Variants in CCSER1 observed in about 807,000 individuals in gnomAD.
CCSER1 encodes coiled-coil serine rich protein 1.
A neutral mutation model predicts 82.0 loss-of-function variants in CCSER1; 41 were observed. That is an observed-to-expected ratio of 0.50 (90% CI 0.39 to 0.65). The LOEUF (loss-of-function observed/expected upper bound fraction) is 0.65, where lower values mean the gene tolerates loss of function less well. Ranked by LOEUF, CCSER1 falls within the 30% of genes least tolerant of loss-of-function variation. The pLI is 0.00. For synonymous variants in CCSER1, 414 were observed against 383.9 expected (o/e 1.08, Z -0.92); for missense variants, 1,119 against 1,064.2 (o/e 1.05, Z -0.72).
At chr4:91,095,208 T>C (rs1000208859) in intron 10 of CCSER1, among the ~76,000 whole-genome samples, 1 of 152,196 alleles carries the variant, frequency 6.6e-6, no homozygotes. Flanking sequence ...TTCGAACAGA[T>C]TGAACAAAGT....
intron 10 of CCSER1, among the ~76,000 whole-genome samples, chr4:91,154,628 G>A (rs529109264): frequency 6.6e-6 from 1 of 152,018 alleles, no homozygotes; most frequent in Non-Finnish European, 1.5e-5. Flanking sequence ...GCTGGGAGCT[G>A]TAGACTGGAG....
At position 91,212,783 on chromosome 4, in the gene CCSER1, A is replaced by G. The variant is rs573359327; in HGVS notation, c.2217+126789A>G. Reference sequence around the variant, plus strand: ...CAGGAGGTACATGTGCAGGTTTGTTACATGGGTATATTGAATGATGCTGAG... The same window carrying G: ...CAGGAGGTACATGTGCAGGTTTGTTGCATGGGTATATTGAATGATGCTGAG... On this transcript the variant is annotated intron_variant, in intron 10 of 10. Coordinates refer to ENST00000509176, the MANE Select transcript of CCSER1 (RefSeq NM_001145065.2). 2.6e-5 allele frequency among the ~76,000 whole-genome samples: 4 copies of G among 152,242 alleles called. No individual in the cohort carries two copies. The South Asian group carries it at 8.3e-4, about 32-fold the overall frequency.
At chr4:91,395,626 T>TA (rs1751930824) in intron 10 of CCSER1, among the ~76,000 whole-genome samples, 1 of 152,024 alleles carries the variant, frequency 6.6e-6, no homozygotes. Context: ...ATTAGAAAGT[T>TA]TATCCAGGTT....
In CCSER1 at chr4:90,839,738, G is replaced by C. The variant is rs150377037; in HGVS notation, c.2094+23893G>C. 1.7e-4 allele frequency among the ~76,000 whole-genome samples: 26 copies of C among 152,270 alleles called. No homozygotes were observed. The East Asian group carries it at 3.9e-3, about 23-fold the overall frequency. ...TAGTTAAGGCACTTCTGTTGTTGAA[G>C]TAAAGGTGCAGAAGATAGAACAAAG... On this transcript the variant is annotated intron_variant, in intron 8 of 10. Coordinates refer to ENST00000509176, the MANE Select transcript of CCSER1 (RefSeq NM_001145065.2).
At chr4:90,643,890 T>A (rs935434510) in intron 6 of CCSER1, among the ~76,000 whole-genome samples, 1 of 152,216 alleles carries the variant, frequency 6.6e-6, no homozygotes, top group Non-Finnish European at 1.5e-5. Flanking sequence ...TAAATAAATG[T>A]TACTTCTCTT....
intron 5 of CCSER1, among the ~76,000 whole-genome samples, chr4:90,476,370 T>C (rs372039720): frequency 3.9e-4 from 59 of 152,210 alleles, no homozygotes; most frequent in African/African-American, 1.4e-3. Context: ...GCACAACCCA[T>C]GGGCTGCGGA....
At chr4:90,559,840 CG>C (rs1778546306) in intron 5 of CCSER1, among the ~76,000 whole-genome samples, 1 of 125,128 alleles carries the variant, frequency 8.0e-6, no homozygotes, top group South Asian at 2.4e-4. Context: ...AAAAAATAGC[CG>C]GGCATAGTAG....
chr4:91,437,673 G>A (rs1469622556), intron 10 of CCSER1, among the ~76,000 whole-genome samples: 2 of 152,214 alleles, frequency 1.3e-5, no homozygotes, highest in East Asian at 1.9e-4. Context: ...GAAGCAGGGC[G>A]AGGCATTGCC....
intron 10 of CCSER1, among the ~76,000 whole-genome samples, chr4:91,125,238 T>G (rs1039204154): frequency 6.6e-6 from 1 of 151,682 alleles, no homozygotes; most frequent in African/African-American, 2.4e-5. Context: ...TGTGTGATAA[T>G]GTATATATGG....
In CCSER1 at chr4:91,496,939, G is replaced by A. The variant is rs1758954203; in HGVS notation, c.2218-101633G>A. On this transcript the variant is annotated intron_variant, in intron 10 of 10. Transcript: ENST00000509176. Reference sequence around the variant, plus strand: ...AGCCTATTTGAAGTATGCACTTTTGGGAATGAAATTATAAAACAGAAGGTT... The same window carrying A: ...AGCCTATTTGAAGTATGCACTTTTGAGAATGAAATTATAAAACAGAAGGTT... Among the ~76,000 whole-genome samples, 2 of 146,388 alleles carry A rather than the reference G, an allele frequency of 1.4e-5. 1 individual carries two copies. Among genetic ancestry groups the A allele is most frequent in the Admixed American group, 1.4e-4 (2 of 14,114 alleles).
chr4:90,659,035 G>C (rs1020167216), intron 6 of CCSER1, among the ~76,000 whole-genome samples: 1 of 148,422 alleles, frequency 6.7e-6, no homozygotes, highest in Non-Finnish European at 1.5e-5. Context: ...GGTGTGTGCA[G>C]TTCATCCTTG....
chr4:90,799,840 A>G (rs1756556346), intron 7 of CCSER1, among the ~76,000 whole-genome samples: 1 of 152,148 alleles, frequency 6.6e-6, no homozygotes, highest in South Asian at 2.1e-4. Context: ...CCCTGCCAAC[A>G]CAAGTGTCTG....
At chr4:90,367,228 G>GA (rs142543366) in intron 3 of CCSER1, among the ~76,000 whole-genome samples, 41,138 of 151,428 alleles carry the variant, frequency 0.27, 6,814 homozygotes, top group African/African-American at 0.46. Flanking sequence ...TTCTGTTCTG[G>GA]AAAAAAACAA....
At chr4:91,063,949 AT>A (rs1744160152) in intron 9 of CCSER1, among the ~76,000 whole-genome samples, 1 of 152,172 alleles carries the variant, frequency 6.6e-6, no homozygotes, top group Non-Finnish European at 1.5e-5. Context: ...AAATCCTGTA[AT>A]ATTTTCTTTC....
chr4:91,248,220 T>C (rs1372235186), intron 10 of CCSER1, among the ~76,000 whole-genome samples: 1 of 152,106 alleles, frequency 6.6e-6, no homozygotes, highest in African/African-American at 2.4e-5. Context: ...AATAAACAAA[T>C]AAATGAGGCA....
chr4:90,976,395 T>C (rs1360979751), intron 9 of CCSER1, among the ~76,000 whole-genome samples: 1 of 151,276 alleles, frequency 6.6e-6, no homozygotes, highest in Non-Finnish European at 1.5e-5. Context: ...TTAAAAGCTT[T>C]ATAATTATAT....
At chr4:90,856,367 A>C (rs930561760) in intron 8 of CCSER1, among the ~76,000 whole-genome samples, 4 of 152,186 alleles carry the variant, frequency 2.6e-5, no homozygotes, top group Admixed American at 1.3e-4. Flanking sequence ...CGATGTATCA[A>C]ATTTTTAAAG....
chr4:90,937,168 A>G (rs1050040526), intron 9 of CCSER1, among the ~76,000 whole-genome samples: 1 of 152,168 alleles, frequency 6.6e-6, no homozygotes, highest in African/African-American at 2.4e-5. Context: ...ATTAAGAGAA[A>G]CCACGTGAAG....
At chr4:90,400,585 G>C (rs1430349309) in intron 4 of CCSER1, among the ~76,000 whole-genome samples, 1 of 152,028 alleles carries the variant, frequency 6.6e-6, no homozygotes, top group African/African-American at 2.4e-5. Flanking sequence ...GATCTCAAAA[G>C]TACTAATTAC....
Sources: allele counts gnomAD v4.1 joint callset (sites outside exome capture counted in the v4.1 genomes callset), GRCh38; gene constraint gnomAD v4.1.1; transcripts MANE v1.5; gene names NCBI Gene and HGNC (gene_info 2026-07-23, HGNC 2026-07-21).